The following GPC5 variants were observed in gnomAD, a reference collection of about 807,000 sequenced individuals.
GPC5 encodes the protein glypican-5.
Under a neutral mutation model 53.9 loss-of-function variants are expected in GPC5, and 47 were observed. That is an observed-to-expected ratio of 0.87 (90% CI 0.69 to 1.11). The LOEUF (loss-of-function observed/expected upper bound fraction) is 1.11, where lower values mean the gene tolerates loss of function less well. Among genes scored for constraint, GPC5 ranks in the 50% most tolerant of loss-of-function variants. The pLI is 0.00. For synonymous variants in GPC5, 286 were observed against 263.3 expected, an observed-to-expected ratio of 1.09 and a Z score of -0.84; for missense variants, 748 against 713.1, an observed-to-expected ratio of 1.05 and a Z score of -0.56.
intron 7 of GPC5, among the ~76,000 whole-genome samples, chr13:92,669,453 G>A (rs1300282259): frequency 2.0e-5 from 3 of 152,094 alleles, no homozygotes; most frequent in Non-Finnish European, 2.9e-5. Flanking sequence ...GAACAGTGAT[G>A]CTACATTTAT....
chr13:91,896,322 T>C (rs914002515), intron 5 of GPC5, among the ~76,000 whole-genome samples: 3 of 152,040 alleles, frequency 2.0e-5, no homozygotes, highest in Non-Finnish European at 4.4e-5. Context: ...AGTTTCACCG[T>C]GTTAGCCAGG....
chr13:92,149,939 A>G (rs1170546101), intron 7 of GPC5, among the ~76,000 whole-genome samples: 1 of 151,988 alleles, frequency 6.6e-6, no homozygotes, highest in African/African-American at 2.4e-5. Flanking sequence ...CCATTATACT[A>G]TATGATTATA....
At chr13:91,662,104 G>A (rs999269258) in intron 2 of GPC5, among the ~76,000 whole-genome samples, 1 of 152,120 alleles carries the variant, frequency 6.6e-6, no homozygotes, top group African/African-American at 2.4e-5. Flanking sequence ...AAAAGTGAGT[G>A]AAACAGAGGG....
chr13:92,587,190 C>T (rs1883564473), intron 7 of GPC5, among the ~76,000 whole-genome samples: 1 of 152,006 alleles, frequency 6.6e-6, no homozygotes. Context: ...ATTCTATTTT[C>T]CCTGTTTTCC....
intron 7 of GPC5, among the ~76,000 whole-genome samples, chr13:92,312,278 A>T (rs2043150073): frequency 6.6e-6 from 1 of 152,076 alleles, no homozygotes; most frequent in Non-Finnish European, 1.5e-5. Context: ...AAGATTCAAG[A>T]TGTGTGTGCT....
chr13:92,547,949 C>T (rs935080033), intron 7 of GPC5, among the ~76,000 whole-genome samples: 2 of 150,544 alleles, frequency 1.3e-5, no homozygotes, highest in African/African-American at 4.9e-5. Context: ...CCTGCCACAG[C>T]CTCCCGAGGA....
intron 7 of GPC5, among the ~76,000 whole-genome samples, chr13:92,296,883 G>C (rs1450303014): frequency 6.6e-6 from 1 of 152,224 alleles, no homozygotes; most frequent in East Asian, 1.9e-4. Context: ...TTTCTCGCCG[G>C]GCCTTAGCTG....
intron 3 of GPC5, among the ~76,000 whole-genome samples, chr13:91,723,476 C>CT (rs1428470696): frequency 3.1e-5 from 1 of 32,046 alleles, no homozygotes; most frequent in Non-Finnish European, 8.7e-5. Context: ...ATCTCTCCCT[C>CT]CAAAAAAAAA....
intron 7 of GPC5, among the ~76,000 whole-genome samples, chr13:92,584,205 A>C (rs1438556496): frequency 6.6e-6 from 1 of 152,176 alleles, no homozygotes; most frequent in Non-Finnish European, 1.5e-5. Flanking sequence ...TCAGAAGAAG[A>C]CAGGAAAATG....
intron 2 of GPC5, among the ~76,000 whole-genome samples, chr13:91,547,392 T>C (rs2030357843): frequency 6.6e-6 from 1 of 152,046 alleles, no homozygotes; most frequent in Non-Finnish European, 1.5e-5. Flanking sequence ...TGCCCATAAA[T>C]TTAATAACCT....
At chr13:91,786,148 C>T (rs1475643156) in intron 5 of GPC5, among the ~76,000 whole-genome samples, 2 of 152,126 alleles carry the variant, frequency 1.3e-5, no homozygotes, top group Non-Finnish European at 2.9e-5. Context: ...AGGTGCCCAC[C>T]ACCACGCCTG....
intron 7 of GPC5, among the ~76,000 whole-genome samples, chr13:92,792,996 G>A (rs562407034): frequency 6.6e-6 from 1 of 152,036 alleles, no homozygotes; most frequent in Non-Finnish European, 1.5e-5. Flanking sequence ...GGTTATCAAG[G>A]ATATCCAGGA....
intron 2 of GPC5, among the ~76,000 whole-genome samples, chr13:91,680,215 C>T (rs2035474868): frequency 1.3e-5 from 2 of 152,092 alleles, no homozygotes; most frequent in Admixed American, 1.3e-4. Flanking sequence ...CTTTGGGAGG[C>T]CGAGGGGGGC....
intron 5 of GPC5, among the ~76,000 whole-genome samples, chr13:91,760,750 A>G (rs1289453167): frequency 6.6e-6 from 1 of 152,214 alleles, no homozygotes; most frequent in Non-Finnish European, 1.5e-5. Flanking sequence ...AGTCCTGTAA[A>G]ACTGTGTGAA....
intron 7 of GPC5, among the ~76,000 whole-genome samples, chr13:92,623,581 G>A (rs1489919409): frequency 2.0e-5 from 3 of 152,120 alleles, no homozygotes; most frequent in Non-Finnish European, 4.4e-5. Flanking sequence ...TTGAATCAAA[G>A]TTTCCTTTGT....
At chr13:92,573,280 G>A (rs1393602718) in intron 7 of GPC5, among the ~76,000 whole-genome samples, 1 of 152,166 alleles carries the variant, frequency 6.6e-6, no homozygotes, top group Admixed American at 6.6e-5. Context: ...AAAGCATATA[G>A]TGAGCATTTA....
At chr13:92,775,329 A>G (rs1875763347) in intron 7 of GPC5, among the ~76,000 whole-genome samples, 1 of 152,244 alleles carries the variant, frequency 6.6e-6, no homozygotes, top group African/African-American at 2.4e-5. Context: ...AAATGTTAAC[A>G]TAGTGACCAA....
At chr13:91,624,440 T>C (rs77631077) in intron 2 of GPC5, among the ~76,000 whole-genome samples, 35 of 152,214 alleles carry the variant, frequency 2.3e-4, no homozygotes, top group East Asian at 9.6e-4. Flanking sequence ...GACAACTTGA[T>C]AGAAAATATA....
chr13:91,863,282 A>G (rs1269225904), intron 5 of GPC5, among the ~76,000 whole-genome samples: 5 of 152,106 alleles, frequency 3.3e-5, no homozygotes, highest in Non-Finnish European at 7.4e-5. Context: ...CAGGTTGATC[A>G]TGGTTGTAAA....
Sources: allele counts gnomAD v4.1 joint callset (sites outside exome capture counted in the v4.1 genomes callset), GRCh38; gene constraint gnomAD v4.1.1; transcripts MANE v1.5; gene names NCBI Gene and HGNC (gene_info 2026-07-23, HGNC 2026-07-21).